Variants in AGRN observed in about 807,000 individuals in gnomAD.
AGRN encodes the protein agrin proteoglycan.
AGRN carries 106 observed loss-of-function variants against 211.0 expected under a neutral mutation model. The observed-to-expected ratio is 0.50, with a 90% CI of 0.43 to 0.59. The LOEUF (loss-of-function observed/expected upper bound fraction) is 0.59, where lower values mean the gene tolerates loss of function less well. AGRN is among the 20% of genes least tolerant of loss of function. AGRN has a pLI of 0.00. For synonymous variants in AGRN, 1,525 were observed against 1,332.5 expected (o/e 1.14, Z -3.15); for missense variants, 3,040 against 2,982.6 (o/e 1.02, Z -0.45).
At position 1,032,882 on chromosome 1, in the gene AGRN, G is replaced by A. The variant is rs1225966566; in HGVS notation, c.464-2395G>A. 6.6e-6 allele frequency among the ~76,000 whole-genome samples: 1 copy of A among 152,092 alleles called. No homozygotes were observed. Among genetic ancestry groups the A allele is most frequent in the East Asian group, 1.9e-4 (1 of 5,178 alleles). ...AGATTCTGGCCTCCAGGGTGGTCGG[G>A]CCTGGCATGGACTCTAGGGGATGGT... On this transcript the variant is annotated intron_variant, in intron 2 of 35. Coordinates refer to ENST00000379370, the MANE Select transcript of AGRN (RefSeq NM_198576.4). The surrounding 1 kb of genome is among the most constrained non-coding windows in gnomAD (Gnocchi z 4.7).
At position 1,044,110 on chromosome 1, in the gene AGRN, C is replaced by G; in HGVS notation, c.2001C>G (p.Ala667=). The G allele has an allele frequency of 6.2e-7, 1 of 1,613,284 alleles. No individual in the cohort carries two copies. Among genetic ancestry groups the G allele is most frequent in the Non-Finnish European group, 8.5e-7 (1 of 1,179,930 alleles). The part of the protein sequence containing the change: ...EEARAGPCEQ[A]ECGSGGSGSG... Reference sequence around the variant, plus strand: ...TGACTCTGCTCCCCTTCCCCGCAGCCGAGTGCGGTTCCGGAGGCTCTGGCT... The same window carrying G: ...TGACTCTGCTCCCCTTCCCCGCAGCGGAGTGCGGTTCCGGAGGCTCTGGCT... Residue 667 remains alanine, a splice_region_variant and synonymous_variant, in exon 11 of 36, where the codon GCC becomes GCG. Transcript: ENST00000379370.
intron 22 of AGRN, 52 bp downstream of exon 22, chr1:1,047,947 C>G (rs1333579272): frequency 1.3e-6 from 2 of 1,584,756 alleles, no homozygotes; most frequent in Admixed American, 3.6e-5. Flanking sequence ...TCTGCCCATG[C>G]CCCTGCCCCT....
At position 1,028,331 on chromosome 1, in the gene AGRN, C is replaced by T. The variant is rs868696502; in HGVS notation, c.463+5869C>T. On this transcript the variant is annotated intron_variant, in intron 2 of 35. Transcript: ENST00000379370. ...TCCCGTGGGGAAACGCCCCCCCCCCCCCCCCGCCCTGCACCTGGCTGGCGG... is the reference window on the plus strand; with the variant it reads ...TCCCGTGGGGAAACGCCCCCCCCCCTCCCCCGCCCTGCACCTGGCTGGCGG... Among the ~76,000 whole-genome samples the T allele has an allele frequency of 7.7e-5, 11 of 143,562 alleles. 1 individual carries two copies. Among genetic ancestry groups the T allele is most frequent in the Admixed American group, 4.0e-4 (6 of 14,818 alleles). The allele number at this position is 143,562 out of a possible 152,430, so 94.2% of individuals were successfully genotyped here. A position where few individuals can be genotyped will look rare whatever the true frequency, so the allele number is the denominator to read the frequency against.
At position 1,045,152 on chromosome 1, in the gene AGRN, T is replaced by C; in HGVS notation, c.2255-9T>C. The C allele has an allele frequency of 3.1e-6, 5 of 1,611,672 alleles. No homozygotes were observed. Among genetic ancestry groups the C allele is most frequent in the Non-Finnish European group, 4.2e-6 (5 of 1,179,738 alleles). ...GCATGAAATCTGAGTCCCGTACCCTTTCCTGCAGGCCCCACCTTCGCCCCG... is the reference window on the plus strand; with the variant it reads ...GCATGAAATCTGAGTCCCGTACCCTCTCCTGCAGGCCCCACCTTCGCCCCG... On this transcript the variant is annotated splice_polypyrimidine_tract_variant and intron_variant, in intron 12 of 35. Transcript: ENST00000379370.
At chr1:1,029,080 C>T (rs1311736865) in intron 2 of AGRN, among the ~76,000 whole-genome samples, 1 of 144,672 alleles carries the variant, frequency 6.9e-6, no homozygotes, top group African/African-American at 2.6e-5. Context: ...CCCAGCCCCT[C>T]GTGGGCCAAG....
chr1:1,051,060 A>C, intron 30 of AGRN, 193 bp from the exon 31 acceptor site: 1 of 1,548,504 alleles, frequency 6.5e-7, no homozygotes, highest in African/African-American at 1.4e-5. Context: ...TCGGCCTCTC[A>C]TCCGCTCACC....
At chr1:1,038,998 C>T (rs1000958618) in intron 3 of AGRN, among the ~76,000 whole-genome samples, 1 of 152,210 alleles carries the variant, frequency 6.6e-6, no homozygotes, top group African/African-American at 2.4e-5. Flanking sequence ...GGCCACATAG[C>T]GCTGTGTGCT....
At position 1,032,602 on chromosome 1, in the gene AGRN, G is replaced by A. The variant is rs1644697010; in HGVS notation, c.464-2675G>A. Among the ~76,000 whole-genome samples, 1 of 152,292 alleles carries A rather than the reference G, an allele frequency of 6.6e-6. No individual in the cohort carries two copies. The highest frequency in any genetic ancestry group is 2.4e-5 in the African/African-American group (1 of 41,544). On this transcript the variant is annotated intron_variant, in intron 2 of 35. Coordinates refer to ENST00000379370, the MANE Select transcript of AGRN (RefSeq NM_198576.4). This position sits in a 1 kb window ranked among gnomAD's most constrained non-coding sequence, Gnocchi z 4.7. ...GGTGTGACCACGCGGTGGCACTGGTGGCTGCCGGCAGCTGTCGTCTGCAGA... is the reference window on the plus strand; with the variant it reads ...GGTGTGACCACGCGGTGGCACTGGTAGCTGCCGGCAGCTGTCGTCTGCAGA...
intron 2 of AGRN, among the ~76,000 whole-genome samples, chr1:1,025,084 C>T (rs1157214797): frequency 6.6e-6 from 1 of 152,184 alleles, no homozygotes; most frequent in Non-Finnish European, 1.5e-5. Flanking sequence ...GGAGGGACTC[C>T]TGGCTGAGGG....
rs1260258867 is a variant in AGRN, at chr1:1,032,247, C to T, written c.464-3030C>T. On this transcript the variant is annotated intron_variant, in intron 2 of 35. Coordinates refer to ENST00000379370, the MANE Select transcript of AGRN (RefSeq NM_198576.4). The surrounding 1 kb of genome is among the most constrained non-coding windows in gnomAD (Gnocchi z 4.7). ...TTTCCTGCAGGGTTTCATTGGAACA[C>T]CAGGTTCCAGGGCCGTAGAGATGTG... Among the ~76,000 whole-genome samples, 6 of 152,136 alleles carry T rather than the reference C, an allele frequency of 3.9e-5. No individual in the cohort carries two copies. The highest frequency in any genetic ancestry group is 1.4e-4 in the African/African-American group (6 of 41,412).
At chr1:1,027,277 T>C (rs1644541867) in intron 2 of AGRN, among the ~76,000 whole-genome samples, 1 of 152,238 alleles carries the variant, frequency 6.6e-6, no homozygotes, top group Admixed American at 6.5e-5. Context: ...TGCACGTGCC[T>C]GCAGCCTCAG....
chr1:1,030,829 C>T (rs1644653729), intron 2 of AGRN, among the ~76,000 whole-genome samples: 1 of 113,332 alleles, frequency 8.8e-6, no homozygotes, highest in Non-Finnish European at 1.7e-5. Context: ...GTGTGCAGTG[C>T]ATGGTGCTGT....
rs559794659 is a variant in AGRN, at chr1:1,043,805, T to C, written c.1799-18T>C. The C allele has an allele frequency of 3.1e-6, 5 of 1,609,696 alleles. No homozygotes were observed. Among genetic ancestry groups the C allele is most frequent in the Non-Finnish European group, 3.4e-6 (4 of 1,179,826 alleles). On this transcript the variant is annotated intron_variant, in intron 9 of 35. Transcript: ENST00000379370. ...CAGCCTGGGCCTGCCGACCCCTGCC[T>C]GGCTCTGTCTCCTGCAGAGACCTGT...
Position 1,032,259 on chromosome 1 carries a change from G to A in AGRN, c.464-3018G>A, listed in dbSNP as rs541265536. ...TTTCATTGGAACACCAGGTTCCAGG[G>A]CCGTAGAGATGTGGAGGCCTCCTGT... On this transcript the variant is annotated intron_variant, in intron 2 of 35. Transcript: ENST00000379370. This position sits in a 1 kb window ranked among gnomAD's most constrained non-coding sequence, Gnocchi z 4.7. Among the ~76,000 whole-genome samples, 6 of 152,294 alleles carry A rather than the reference G, an allele frequency of 3.9e-5. No individual in the cohort carries two copies. In the East Asian group the frequency reaches 5.8e-4, roughly 15 times the overall value.
In AGRN at chr1:1,046,939, G is replaced by C. The variant is rs367954671; in HGVS notation, c.3370G>C (p.Glu1124Gln). The C allele has an allele frequency of 3.2e-6, 5 of 1,580,242 alleles. No homozygotes were observed. The highest frequency in any genetic ancestry group is 1.2e-5 in the South Asian group (1 of 86,516). The change falls in exon 19 of 36, where the codon GAG becomes CAG. Residue 1124 changes from glutamate to glutamine, a missense_variant. Glu to Gln is a conservative substitution (Grantham distance 29). This residue lies in a region of AGRN where 1,537 missense variants were observed against 1,505.0 expected (regional missense o/e 1.02). Transcript: ENST00000379370. ...SDGKTPSLDAEGSNCPATKVF... is the reference protein window; with the variant it reads ...SDGKTPSLDAQGSNCPATKVF... The stretch of plus-strand genomic sequence containing the variant: ...TGGGAAGACGCCCTCGCTGGACGCA[G>C]AGGGCTCCAACTGCCCCGGTGAGTG...
chr1:1,053,846 G>T lies in AGRN; in HGVS notation c.5745G>T (p.Arg1915=). The T allele has an allele frequency of 6.2e-7, 1 of 1,610,744 alleles. No homozygotes were observed. The highest frequency in any genetic ancestry group is 8.5e-7 in the Non-Finnish European group (1 of 1,179,236). The change falls in exon 34 of 36, where the codon CGG becomes CGT. Residue 1915 remains arginine (R), a synonymous_variant. Coordinates refer to ENST00000379370, the MANE Select transcript of AGRN (RefSeq NM_198576.4). ...TCTGGAGTGGCAAGGCCACGGAGCG[G>T]GCAGACTATGTGGCACTGGCCATTG... ...LVLWSGKATE[R]ADYVALAIVD...
rs371544818 is a variant in AGRN at position 1,054,432 on chromosome 1, C to A, written c.5877-16C>A. ...AACTCTGGGCCCTGATGGTCTCCCCCTCCCTGCACACCCAGGGAGCAGAGG... is the reference window on the plus strand; with the variant it reads ...AACTCTGGGCCCTGATGGTCTCCCCATCCCTGCACACCCAGGGAGCAGAGG... On this transcript the variant is annotated splice_polypyrimidine_tract_variant and intron_variant, in intron 34 of 35. Coordinates refer to ENST00000379370, the MANE Select transcript of AGRN (RefSeq NM_198576.4). 3.8e-6 allele frequency: 6 copies of A among 1,564,980 alleles called. No individual in the cohort carries two copies. Among genetic ancestry groups the A allele is most frequent in the Admixed American group, 1.9e-5 (1 of 52,824 alleles).
At position 1,047,390 on chromosome 1, in the gene AGRN, C is replaced by T. The variant is rs773249335; in HGVS notation, c.3452C>T (p.Thr1151Met). ...EGVEGQELFY[T>M]PEMADPKSEL... is the part of the protein sequence containing the mutation. The stretch of plus-strand genomic sequence containing the variant: ...GTCGAGGGCCAGGAGCTGTTCTACA[C>T]GCCCGAGATGGCTGACCCCAAGTCA... Residue 1151 changes from threonine (T) to methionine (M), a missense_variant, in exon 20 of 36, where the codon ACG (threonine) becomes ATG (methionine). Transcript: ENST00000379370. 42 of 1,612,342 alleles carry T rather than the reference C, an allele frequency of 2.6e-5. No homozygotes were observed. The highest frequency in any genetic ancestry group is 3.2e-5 in the Non-Finnish European group (38 of 1,179,648).
chr1:1,041,699 C>G lies in AGRN; in HGVS notation c.1174C>G (p.Arg392Gly). 1 of 1,607,260 alleles carries G rather than the reference C, an allele frequency of 6.2e-7. No homozygotes were observed. The highest frequency in any genetic ancestry group is 1.1e-5 in the South Asian group (1 of 90,618). Residue 392 changes from arginine to glycine, a missense_variant, in exon 6 of 36, where the codon CGA becomes GGA. This residue lies in a region of AGRN where 1,498 missense variants were observed against 1,457.8 expected (regional missense o/e 1.03). Coordinates refer to ENST00000379370, the MANE Select transcript of AGRN (RefSeq NM_198576.4). ...QKVRSGQCQGRDQCPEPCRFN... is the reference protein window; with the variant it reads ...QKVRSGQCQGGDQCPEPCRFN... ...AGTGCGCTCCGGCCAGTGCCAGGGT[C>G]GAGGTGAGCGGCTCCCCCGGGGGAG...
Sources: allele counts gnomAD v4.1 joint callset (sites outside exome capture counted in the v4.1 genomes callset), GRCh38; gene constraint gnomAD v4.1.1; regional missense constraint gnomAD v4.1.1; non-coding constraint Gnocchi (gnomAD v3.1); transcripts MANE v1.5; gene names NCBI Gene and HGNC (gene_info 2026-07-23, HGNC 2026-07-21).